YARS1: variants seen among roughly 807,000 people sequenced by gnomAD.
YARS1 encodes the protein tyrosine--tRNA ligase, cytoplasmic.
In YARS1, 36 loss-of-function variants were observed where a neutral mutation model predicts 62.2. That is an observed-to-expected ratio of 0.58 (90% CI 0.44 to 0.76). YARS1 has a LOEUF of 0.76. Among genes scored for constraint, YARS1 ranks in the 30% least tolerant of loss-of-function variants. The pLI is 0.00. For synonymous variants in YARS1, 234 were observed against 244.9 expected (o/e 0.96, Z 0.42); for missense variants, 524 against 639.8 (o/e 0.82, Z 1.95).
At chr1:32,807,926 T>C (rs79622512) in intron 3 of YARS1, among the ~76,000 whole-genome samples, 1,697 of 152,260 alleles carry the variant, frequency 0.011, 31 homozygotes, top group African/African-American at 0.039. Flanking sequence ...TTTTTTGTTT[T>C]TGAGACAGGA....
intron 5 of YARS1, among the ~76,000 whole-genome samples, chr1:32,795,046 G>A (rs967037896): frequency 6.4e-5 from 9 of 140,824 alleles, no homozygotes; most frequent in East Asian, 2.0e-4. Flanking sequence ...TTTGCCAGGC[G>A]CGGTGGCTCA....
rs1300619730 is a variant in YARS1 at position 32,775,954 on chromosome 1, G to A, written c.*27C>T. On this transcript the variant is annotated 3_prime_UTR_variant, in exon 13 of 13. Transcript: ENST00000373477. ...AGAGACAGCAGATGACTCAGTGGTG[G>A]AAGAAGGGGGGAAGATGCTGGGCTG... The A allele has an allele frequency of 1.3e-6, 2 of 1,575,962 alleles. No homozygotes were observed. Among genetic ancestry groups the A allele is most frequent in the Non-Finnish European group, 1.7e-6 (2 of 1,145,546 alleles).
Position 32,791,160 on chromosome 1 carries a change from A to G in YARS1, c.684+2T>C, listed in dbSNP as rs1181084709. The G allele has an allele frequency of 6.2e-7, 1 of 1,613,722 alleles. No homozygotes were observed. The highest frequency in any genetic ancestry group is 1.1e-5 in the South Asian group (1 of 91,072). On this transcript the variant is annotated splice_donor_variant, in intron 6 of 12. Coordinates refer to ENST00000373477, the MANE Select transcript of YARS1 (RefSeq NM_003680.4). LOFTEE classifies it high-confidence loss of function. ...AAATTCAAGTCTCAGCTGGCAACTTACCTCTTCTGAAGAGCTCATTTTGCT... is the reference window on the plus strand; with the variant it reads ...AAATTCAAGTCTCAGCTGGCAACTTGCCTCTTCTGAAGAGCTCATTTTGCT...
In YARS1 at chr1:32,782,422, G is replaced by A. The variant is rs1039019397; in HGVS notation, c.1024C>T (p.Pro342Ser). The change falls in exon 9 of 13, where the codon CCA becomes TCA. Residue 342 changes from proline to serine, a missense_variant. Pro to Ser is a moderately conservative substitution (Grantham distance 74, BLOSUM62 -1). Coordinates refer to ENST00000373477, the MANE Select transcript of YARS1 (RefSeq NM_003680.4). ...ALKKLASAAY[P>S]DPSKQKPMAK... ...GCCTTACTCTGCTTTGAGGGATCTG[G>A]GTAGGCAGCGCTGGCCAGTTTTTTC... is the stretch of plus-strand genomic sequence containing the variant. 6.2e-7 allele frequency: 1 copy of A among 1,613,954 alleles called. No individual in the cohort carries two copies. Among genetic ancestry groups the A allele is most frequent in the East Asian group, 2.2e-5 (1 of 44,880 alleles).
At position 32,806,347 on chromosome 1, in the gene YARS1, C is replaced by G. The variant is rs1272052707; in HGVS notation, c.510+135G>C. ...ATGGTGCTGGTGGACTTGCTGTACA[C>G]AGGGTTGCCACACACCTTCAATTTG... On this transcript the variant is annotated intron_variant, in intron 4 of 12. Transcript: ENST00000373477. 3 of 1,402,406 alleles carry G rather than the reference C, an allele frequency of 2.1e-6. No homozygotes were observed. The East Asian group carries it at 6.9e-5, about 32-fold the overall frequency. The allele number at this position is 1,402,406 out of a possible 1,614,324, so 86.9% of individuals were successfully genotyped here. A position where few individuals can be genotyped will look rare whatever the true frequency, so the allele number is the denominator to read the frequency against.
intron 5 of YARS1, among the ~76,000 whole-genome samples, chr1:32,792,837 G>T (rs1323803764): frequency 6.6e-6 from 1 of 151,226 alleles, no homozygotes; most frequent in South Asian, 2.1e-4. Flanking sequence ...CTGAGATTGC[G>T]CCACTGCACT....
chr1:32,786,501 CATGCATGACTATTCCTAGCCCA>C, intron 7 of YARS1, 54 bp from the exon 8 acceptor site: 12 of 1,039,676 alleles, frequency 1.2e-5, no homozygotes, highest in Non-Finnish European at 1.5e-5. Context: ...TCCTAGCTCA[CATGCATGACTATTCCTAGCCCA>C]CATGCATGAC....
At position 32,811,100 on chromosome 1, in the gene YARS1, C is replaced by T. The variant is rs750830412; in HGVS notation, c.58-43G>A. The T allele has an allele frequency of 1.9e-6, 3 of 1,612,614 alleles. No homozygotes were observed. In the Admixed American group the frequency reaches 5.0e-5, roughly 27 times the overall value. ...GAGTTAGTTTAATGTCAGTGCCTCA[C>T]CTTGCTCATCCTTTACCATGTGACA... is the stretch of plus-strand genomic sequence containing the variant. On this transcript the variant is annotated intron_variant, in intron 1 of 12. Coordinates refer to ENST00000373477, the MANE Select transcript of YARS1 (RefSeq NM_003680.4).
chr1:32,784,179 A>ATTT (rs774872672), intron 8 of YARS1, among the ~76,000 whole-genome samples: 2 of 135,202 alleles, frequency 1.5e-5, no homozygotes, highest in Non-Finnish European at 3.2e-5. Flanking sequence ...CAGTATTTTG[A>ATTT]TTTTTTTTTT....
rs141974881 is a variant in YARS1 at position 32,775,998 on chromosome 1, C to G, written c.1570G>C (p.Gly524Arg). The G allele has an allele frequency of 1.3e-5, 21 of 1,614,104 alleles. No homozygotes were observed. The African/African-American group carries it at 2.7e-4, about 20-fold the overall frequency. ...TGGGCTGGCTAGCTAATGTTCCCCC[C>G]TTTCAGCGATTTACAGGAAATGGAG... is the stretch of plus-strand genomic sequence containing the variant. ...LGSISCKSLKGGNIS is the reference protein window; with the variant it reads ...LGSISCKSLKRGNIS The change falls in exon 13 of 13, where the codon GGG becomes CGG. Residue 524 changes from glycine to arginine, a missense_variant. By Grantham distance (125) the Gly-to-Arg change is moderately radical (BLOSUM62 -2). Transcript: ENST00000373477.
At position 32,786,410 on chromosome 1, in the gene YARS1, G is replaced by A. The variant is rs367934266; in HGVS notation, c.858C>T (p.Asn286=). 10 of 1,613,806 alleles carry A rather than the reference G, an allele frequency of 6.2e-6. No individual in the cohort carries two copies. The highest frequency in any genetic ancestry group is 5.3e-5 in the African/African-American group (4 of 74,842). Residue 286 remains asparagine, a synonymous_variant, in exon 8 of 13, where the codon AAC becomes AAT. Coordinates refer to ENST00000373477, the MANE Select transcript of YARS1 (RefSeq NM_003680.4). The part of the protein sequence containing the change: ...VILRDEKWGG[N]KTYTAYVDLE... ...GGTCCACGTAAGCTGTGTAGGTTTT[G>A]TTTCCACCCCATTTCTCATCTCGTA...
chr1:32,816,040 C>T (rs1286434632), intron 1 of YARS1, among the ~76,000 whole-genome samples: 1 of 138,786 alleles, frequency 7.2e-6, no homozygotes, highest in Non-Finnish European at 1.5e-5. Context: ...ACCTGGGAGG[C>T]GGAGGTTGCA....
At chr1:32,804,243 G>A (rs931880403) in intron 4 of YARS1, among the ~76,000 whole-genome samples, 1 of 152,224 alleles carries the variant, frequency 6.6e-6, no homozygotes, top group Non-Finnish European at 1.5e-5. Flanking sequence ...CGTTCTCAAC[G>A]AGCTGTTGGG....
At chr1:32,777,256 C>T (rs569976259) in intron 12 of YARS1, among the ~76,000 whole-genome samples, 5 of 152,028 alleles carry the variant, frequency 3.3e-5, no homozygotes, top group East Asian at 2.0e-4. Context: ...CTCGAACTCC[C>T]GCCCTCAGGT....
chr1:32,775,741 G>A lies in YARS1; in HGVS notation c.*240C>T. 1.7e-6 allele frequency: 1 copy of A among 580,206 alleles called. No homozygotes were observed. Among genetic ancestry groups the A allele is most frequent in the Non-Finnish European group, 3.1e-6 (1 of 323,958 alleles). 35.9% of individuals were successfully genotyped at this position (580,206 alleles called of 1,614,324 possible). The stretch of plus-strand genomic sequence containing the variant: ...TCCAGCTGCCAAGGGAAGAAGGTAG[G>A]GCTGGACTCCCTGCTGTGGCCCAGC... On this transcript the variant is annotated 3_prime_UTR_variant, in exon 13 of 13. Transcript: ENST00000373477.
chr1:32,779,923 C>T, intron 11 of YARS1, 162 bp downstream of exon 11: 3 of 803,664 alleles, frequency 3.7e-6, no homozygotes, highest in Non-Finnish European at 6.2e-6. Context: ...ATTAACAGTA[C>T]TTGTACGATA....
At chr1:32,780,931 G>T in intron 10 of YARS1, 117 bp downstream of exon 10, 2 of 921,268 alleles carry the variant, frequency 2.2e-6, no homozygotes, top group Non-Finnish European at 3.5e-6. Context: ...CCTGCACTCT[G>T]ACTTGCAATA....
chr1:32,803,367 A>C (rs1638354019), intron 4 of YARS1, among the ~76,000 whole-genome samples: 1 of 150,852 alleles, frequency 6.6e-6, no homozygotes, highest in Admixed American at 6.6e-5. Context: ...CCTGGCCTCA[A>C]GTGATTTGCT....
intron 3 of YARS1, among the ~76,000 whole-genome samples, chr1:32,808,046 C>CAT (rs1557465121): frequency 6.6e-6 from 1 of 152,068 alleles, no homozygotes; most frequent in Non-Finnish European, 1.5e-5. Flanking sequence ...GCTGGGATTA[C>CAT]AGGTGCATGC....
Sources: allele counts gnomAD v4.1 joint callset (sites outside exome capture counted in the v4.1 genomes callset), GRCh38; gene constraint gnomAD v4.1.1; transcripts MANE v1.5; gene names NCBI Gene and HGNC (gene_info 2026-07-23, HGNC 2026-07-21).